Variants in PEF1 observed in about 807,000 individuals in gnomAD.
The protein encoded by PEF1 is penta-EF-hand domain containing 1.
PEF1 carries 17 observed loss-of-function variants against 32.0 expected under a neutral mutation model. The observed-to-expected ratio is 0.53, with a 90% CI of 0.36 to 0.80. The LOEUF (loss-of-function observed/expected upper bound fraction) is 0.80. PEF1 is among the 30% of genes least tolerant of loss of function. The pLI, the probability that PEF1 is intolerant of heterozygous loss-of-function variation, is 0.00. For synonymous variants in PEF1, 130 were observed against 139.8 expected, an observed-to-expected ratio of 0.93 and a Z score of 0.50; for missense variants, 362 against 369.1, an observed-to-expected ratio of 0.98 and a Z score of 0.16.
chr1:31,642,443 A>T (rs1640419668), intron 1 of PEF1, among the ~76,000 whole-genome samples: 1 of 152,110 alleles, frequency 6.6e-6, no homozygotes, highest in African/African-American at 2.4e-5. Context: ...TCCAATACCC[A>T]GTCCCTGCTT....
At chr1:31,637,741 G>C (rs915467670) in intron 1 of PEF1, among the ~76,000 whole-genome samples, 2 of 151,922 alleles carry the variant, frequency 1.3e-5, no homozygotes, top group Non-Finnish European at 2.9e-5. Context: ...GCTGAAGTAA[G>C]GTGGGAGCTC....
intron 1 of PEF1, among the ~76,000 whole-genome samples, chr1:31,639,591 C>T (rs7529064): frequency 2.0e-5 from 3 of 152,062 alleles, no homozygotes; most frequent in South Asian, 2.1e-4. Context: ...AAGTAACCAG[C>T]GGCGGTGTGG....
intron 4 of PEF1, among the ~76,000 whole-genome samples, chr1:31,631,216 C>G (rs914704902): frequency 6.6e-6 from 1 of 152,218 alleles, no homozygotes; most frequent in Non-Finnish European, 1.5e-5. Flanking sequence ...AGAGGCAGTA[C>G]AGCAGAGGTA....
intron 1 of PEF1, among the ~76,000 whole-genome samples, chr1:31,635,879 T>C (rs1557586923): frequency 6.6e-6 from 1 of 152,192 alleles, no homozygotes; most frequent in Admixed American, 6.5e-5. Context: ...TATGAATGAA[T>C]AGGCAAATGA....
Position 31,630,434 on chromosome 1 carries a change from C to T in PEF1, c.*179G>A, listed in dbSNP as rs531959585. On this transcript the variant is annotated 3_prime_UTR_variant, in exon 5 of 5. Coordinates refer to ENST00000373703, the MANE Select transcript of PEF1 (RefSeq NM_012392.4). ...CTATCTGTGTGGCCTCAGCCCCGGT[C>T]CTCACTATTTGGTGGCTATGATGCA... The T allele has an allele frequency of 4.5e-6, 3 of 665,124 alleles. No homozygotes were observed. Among genetic ancestry groups the T allele is most frequent in the South Asian group, 1.9e-5 (1 of 53,138 alleles). 41.2% of individuals were successfully genotyped at this position (665,124 alleles called of 1,614,324 possible).
intron 1 of PEF1, among the ~76,000 whole-genome samples, chr1:31,643,242 A>G (rs1640450492): frequency 6.6e-6 from 1 of 152,260 alleles, no homozygotes; most frequent in South Asian, 2.1e-4. Flanking sequence ...TGCATATTAT[A>G]TTCCTTTCTG....
intron 1 of PEF1, among the ~76,000 whole-genome samples, chr1:31,643,661 T>A (rs774909782): frequency 1.3e-4 from 20 of 152,070 alleles, no homozygotes; most frequent in Non-Finnish European, 2.4e-4. Context: ...ATAATGGAGG[T>A]CCAAACACTG....
chr1:31,633,280 G>A lies in PEF1; in HGVS notation c.360C>T (p.Tyr120=). The A allele has an allele frequency of 1.9e-6, 3 of 1,613,918 alleles. No homozygotes were observed. Among genetic ancestry groups the A allele is most frequent in the Non-Finnish European group, 2.5e-6 (3 of 1,179,890 alleles). Residue 120 remains tyrosine (Y), a synonymous_variant, in exon 3 of 5, where the codon TAC becomes TAT. Transcript: ENST00000373703. ...CTGAGTCCACCGACTGGAACCAGGA[G>A]TAGGCCTCAGGATCCACATTGGGAG... ...GAPPNVDPEA[Y]SWFQSVDSDH... is the part of the protein sequence containing the mutation.
chr1:31,642,176 T>C (rs925094038), intron 1 of PEF1, among the ~76,000 whole-genome samples: 3 of 152,232 alleles, frequency 2.0e-5, no homozygotes, highest in Non-Finnish European at 4.4e-5. Flanking sequence ...GAGGTTGCAG[T>C]GAGCCAAGAT....
chr1:31,630,792 C>T lies in PEF1; in HGVS notation c.676G>A (p.Val226Ile). 6.2e-7 allele frequency: 1 copy of T among 1,613,456 alleles called. No individual in the cohort carries two copies. Among genetic ancestry groups the T allele is most frequent in the South Asian group, 1.1e-5 (1 of 91,080 alleles). The change falls in exon 5 of 5, where the codon GTC (valine) becomes ATC (isoleucine). Residue 226 changes from valine to isoleucine, a missense_variant. Coordinates refer to ENST00000373703, the MANE Select transcript of PEF1 (RefSeq NM_012392.4). ...NLSPQFTQLL[V>I]SRYCPRSANP... ...GCAGAGCGTGGGCAGTAGCGGGAGA[C>T]CAGAAGCTGGGTGAACTGGGGGCTC...
At chr1:31,637,579 G>A (rs1259957195) in intron 1 of PEF1, among the ~76,000 whole-genome samples, 1 of 146,218 alleles carries the variant, frequency 6.8e-6, no homozygotes, top group Non-Finnish European at 1.5e-5. Context: ...TAAGTTGGAG[G>A]CTGCAGTGAG....
chr1:31,634,854 C>T (rs547689619), intron 2 of PEF1: 5 of 470,864 alleles, frequency 1.1e-5, no homozygotes, highest in Non-Finnish European at 1.7e-5. Context: ...CTTTAAGAGG[C>T]ATTGTGCATT....
At chr1:31,637,702 A>C (rs1640294806) in intron 1 of PEF1, among the ~76,000 whole-genome samples, 1 of 151,864 alleles carries the variant, frequency 6.6e-6, no homozygotes, top group African/African-American at 2.4e-5. Context: ...TGATAAAATA[A>C]ATAAAACAAA....
chr1:31,643,031 G>GA lies in PEF1; in HGVS notation c.24+1809dup, dbSNP rs148482524. 8.9e-3 allele frequency among the ~76,000 whole-genome samples: 1,355 copies of GA among 152,294 alleles called. 21 individuals carry two copies. The highest frequency in any genetic ancestry group is 0.031 in the African/African-American group (1,289 of 41,532). On this transcript the variant is annotated intron_variant, in intron 1 of 4. Transcript: ENST00000373703. ...AGATTCCTGGGTACAGAACAGGTCT[G>GA]AAGTGGGACCCAAAAGTGTGCTTTC...
intron 1 of PEF1, 181 bp downstream of exon 1, chr1:31,644,660 C>T: frequency 6.9e-7 from 1 of 1,446,112 alleles, no homozygotes; most frequent in Non-Finnish European, 9.1e-7. Context: ...ATGTGCGGTC[C>T]TTCATGACGT....
chr1:31,633,325 G>A lies in PEF1; in HGVS notation c.326-11C>T. The A allele has an allele frequency of 6.2e-7, 1 of 1,604,548 alleles. No homozygotes were observed. The highest frequency in any genetic ancestry group is 1.1e-5 in the South Asian group (1 of 90,312). ...TGGGAGGGGCGCCACCTGGAGGAAG[G>A]GGTGTGAAGGCCATCAACAGAAATG... On this transcript the variant is annotated splice_polypyrimidine_tract_variant and intron_variant, in intron 2 of 4. Transcript: ENST00000373703.
At chr1:31,633,560 T>A (rs184748574) in intron 2 of PEF1, among the ~76,000 whole-genome samples, 60 of 152,310 alleles carry the variant, frequency 3.9e-4, no homozygotes, top group African/African-American at 1.4e-3. Context: ...CTACTCTTAA[T>A]TGATTTTATG....
intron 2 of PEF1, chr1:31,634,940 A>C (rs1288004702): frequency 3.6e-6 from 2 of 555,728 alleles, no homozygotes; most frequent in Non-Finnish European, 3.4e-6. Flanking sequence ...TTCAGCATGT[A>C]TCCCTGAATG....
intron 2 of PEF1, among the ~76,000 whole-genome samples, chr1:31,634,554 G>A (rs1395472650): frequency 2.6e-5 from 4 of 152,116 alleles, no homozygotes; most frequent in Non-Finnish European, 5.9e-5. Flanking sequence ...TCTCCCCATG[G>A]TAGGCTACAT....
Sources: gnomAD v4.1 joint callset for allele counts (sites outside exome capture counted in the v4.1 genomes callset) on GRCh38, gnomAD v4.1.1 for gene constraint, MANE v1.5 for transcripts, NCBI Gene and HGNC (gene_info 2026-07-23, HGNC 2026-07-21) for gene names.